FRY: variants seen among roughly 807,000 people sequenced by gnomAD.
The protein encoded by FRY is FRY microtubule binding protein, also known as protein furry homolog.
Under a neutral mutation model 348.4 loss-of-function variants are expected in FRY, and 128 were observed. The observed-to-expected ratio is 0.37, with a 90% confidence interval of 0.32 to 0.43. The LOEUF is 0.43. FRY is among the 20% of genes least tolerant of loss of function. FRY has a pLI of 1.00. For missense variants in FRY, 2,736 were observed against 3,695.2 expected (o/e 0.74, Z 6.73); for synonymous variants, 1,370 against 1,374.7 (o/e 1.00, Z 0.08).
chr13:32,051,805 A>C (rs1430006650), intron 1 of FRY, among the ~76,000 whole-genome samples: 8 of 152,240 alleles, frequency 5.3e-5, no homozygotes, highest in Non-Finnish European at 1.2e-4. Flanking sequence ...GAAGTAGGCA[A>C]GGTGGAAATC....
At chr13:32,248,073 A>G (rs1308181263) in intron 48 of FRY, among the ~76,000 whole-genome samples, 1 of 152,186 alleles carries the variant, frequency 6.6e-6, no homozygotes, top group Non-Finnish European at 1.5e-5. Flanking sequence ...TAGTCCATGA[A>G]CAAATATTTG....
At chr13:32,173,849 A>G (rs1882228654) in intron 19 of FRY, among the ~76,000 whole-genome samples, 1 of 152,260 alleles carries the variant, frequency 6.6e-6, no homozygotes, top group Non-Finnish European at 1.5e-5. Flanking sequence ...TGTTCAGCAC[A>G]TATCTAATTA....
intron 41 of FRY, among the ~76,000 whole-genome samples, chr13:32,232,759 G>A (rs1301127235): frequency 6.6e-6 from 1 of 152,212 alleles, no homozygotes; most frequent in Non-Finnish European, 1.5e-5. Flanking sequence ...ACACCTAACT[G>A]CAAGGAAGAC....
chr13:32,107,861 A>G (rs1321943174), intron 3 of FRY, among the ~76,000 whole-genome samples: 9 of 152,214 alleles, frequency 5.9e-5, no homozygotes, highest in Admixed American at 5.9e-4. Context: ...CATACCAGTA[A>G]CAAGAATCAA....
At position 32,090,115 on chromosome 13, in the gene FRY, G is replaced by A. The variant is rs376176655; in HGVS notation, c.270+11082G>A. On this transcript the variant is annotated intron_variant, in intron 2 of 60. Coordinates refer to ENST00000542859, the MANE Select transcript of FRY (RefSeq NM_023037.3). The stretch of plus-strand genomic sequence containing the variant: ...TGTAATCCCAGCACTTTGGGAGGCC[G>A]AGGCGGGTGGATCACGAGGTCAGGA... Among the ~76,000 whole-genome samples the A allele has an allele frequency of 2.7e-4, 41 of 152,062 alleles. No homozygotes were observed. The South Asian group carries it at 7.1e-3, about 26-fold the overall frequency.
intron 32 of FRY, 101 bp from the exon 33 acceptor site, chr13:32,209,484 G>A: frequency 8.9e-7 from 1 of 1,126,344 alleles, no homozygotes; most frequent in East Asian, 2.3e-5. Flanking sequence ...CCCTTCTTAT[G>A]ATTTTGAGAC....
intron 1 of FRY, among the ~76,000 whole-genome samples, chr13:32,034,335 A>G (rs2138337505): frequency 6.6e-6 from 1 of 152,322 alleles, no homozygotes; most frequent in Admixed American, 6.5e-5. Context: ...CCTCCAAAGA[A>G]TTCACAGGCC....
chr13:32,111,146 A>G (rs895188624), intron 3 of FRY, among the ~76,000 whole-genome samples: 1 of 152,198 alleles, frequency 6.6e-6, no homozygotes, highest in Non-Finnish European at 1.5e-5. Flanking sequence ...TTTTCAAATA[A>G]AGGTGCCAAT....
intron 16 of FRY, among the ~76,000 whole-genome samples, chr13:32,160,830 G>A (rs141568881): frequency 7.9e-4 from 38 of 48,282 alleles, no homozygotes; most frequent in African/African-American, 3.0e-3. Flanking sequence ...GATGTACTTA[G>A]CCATTTCTGT....
rs764398356 is a variant in FRY, at chr13:32,135,122, A to C, written c.1016A>C (p.Asn339Thr). ...KNEVNVPCLR[N>T]FVESLYDTTL... ...GAAGTAAATGTTCCCTGCCTTAGAA[A>C]TTTTGTGGAAAGCCTGTATGACACC... The change falls in exon 10 of 61, where the codon AAT becomes ACT. Residue 339 changes from asparagine (N) to threonine (T), a missense_variant. By Grantham distance (65) the Asn-to-Thr change is moderately conservative (BLOSUM62 0). Coordinates refer to ENST00000542859, the MANE Select transcript of FRY (RefSeq NM_023037.3). 5 of 1,613,076 alleles carry C rather than the reference A, an allele frequency of 3.1e-6. No individual in the cohort carries two copies. Among genetic ancestry groups the C allele is most frequent in the Non-Finnish European group, 4.2e-6 (5 of 1,179,036 alleles).
intron 10 of FRY, among the ~76,000 whole-genome samples, chr13:32,135,752 C>T (rs967562096): frequency 6.6e-6 from 1 of 152,144 alleles, no homozygotes. Flanking sequence ...GTTTATGAAT[C>T]GGCGAGTGAT....
intron 13 of FRY, among the ~76,000 whole-genome samples, chr13:32,148,257 G>A (rs1051062616): frequency 1.3e-5 from 2 of 152,076 alleles, no homozygotes; most frequent in South Asian, 4.1e-4. Flanking sequence ...TTTTTTTCCT[G>A]TTTCTCTGCT....
At position 32,081,386 on chromosome 13, in the gene FRY, G is replaced by A. The variant is rs141611715; in HGVS notation, c.270+2353G>A. On this transcript the variant is annotated intron_variant, in intron 2 of 60. Transcript: ENST00000542859. ...ATCACCCAGACCTCAGTGCAATGGC[G>A]CAATTTTGGCTCACCACAACCTCGG... Among the ~76,000 whole-genome samples the A allele has an allele frequency of 2.7e-3, 411 of 152,240 alleles. 2 individuals carry two copies. Among genetic ancestry groups the A allele is most frequent in the Non-Finnish European group, 4.0e-3 (273 of 68,020 alleles).
intron 8 of FRY, among the ~76,000 whole-genome samples, chr13:32,133,149 A>G (rs760119869): frequency 2.0e-5 from 3 of 152,194 alleles, no homozygotes; most frequent in Non-Finnish European, 2.9e-5. Context: ...TGATTATACT[A>G]AAAGTCAATG....
intron 3 of FRY, among the ~76,000 whole-genome samples, chr13:32,110,698 T>C (rs1192146203): frequency 1.3e-5 from 2 of 152,300 alleles, no homozygotes; most frequent in East Asian, 3.9e-4. Context: ...CTTTTAGACC[T>C]TTGCTTATGT....
At chr13:32,192,103 G>C (rs1321400384) in intron 28 of FRY, among the ~76,000 whole-genome samples, 1 of 152,082 alleles carries the variant, frequency 6.6e-6, no homozygotes, top group African/African-American at 2.4e-5. Context: ...AGTGGTGCTG[G>C]TAATATTCTG....
rs767318998 is a variant in FRY at position 32,254,314 on chromosome 13, A to G, written c.7336A>G (p.Met2446Val). The change falls in exon 51 of 61, where the codon ATG becomes GTG. Residue 2446 changes from methionine to valine, a missense_variant. By Grantham distance (21) the Met-to-Val change is conservative. This residue lies in a region of FRY where 789 missense variants were observed against 996.2 expected (regional missense o/e 0.79). Transcript: ENST00000542859. ...SEDGAREQEN[M>V]DDTNSEQQFR... is the part of the protein sequence containing the mutation. ...GGACGGTGCCCGAGAGCAGGAGAAC[A>G]TGGATGACACAAACAGCGAGCAGCA... is the stretch of plus-strand genomic sequence containing the variant. 2.5e-6 allele frequency: 4 copies of G among 1,614,162 alleles called. No individual in the cohort carries two copies. The East Asian group carries it at 8.9e-5, about 36-fold the overall frequency.
At chr13:32,259,077 C>T (rs1258134412) in intron 51 of FRY, among the ~76,000 whole-genome samples, 1 of 152,206 alleles carries the variant, frequency 6.6e-6, no homozygotes, top group African/African-American at 2.4e-5. Flanking sequence ...CTGACATATA[C>T]AGAGTGTTCA....
chr13:32,173,629 A>G (rs1882217571), intron 19 of FRY, 80 bp downstream of exon 19: 3 of 1,027,616 alleles, frequency 2.9e-6, no homozygotes, highest in Non-Finnish European at 3.1e-6. Context: ...CAAATGATGC[A>G]TTACTATTTC....
Sources: gnomAD v4.1 joint callset for allele counts (sites outside exome capture counted in the v4.1 genomes callset) on GRCh38, gnomAD v4.1.1 for gene constraint, gnomAD v4.1.1 regional missense constraint, MANE v1.5 for transcripts, NCBI Gene and HGNC (gene_info 2026-07-23, HGNC 2026-07-21) for gene names.